Variants in CLVS1 observed in about 807,000 individuals in gnomAD.
CLVS1 encodes the protein clavesin-1.
In CLVS1, 10 loss-of-function variants were observed where a neutral mutation model predicts 33.1. That is an observed-to-expected ratio of 0.30 (90% CI 0.19 to 0.51). The LOEUF (loss-of-function observed/expected upper bound fraction) is 0.51. CLVS1 is among the 20% of genes least tolerant of loss of function. CLVS1 has a pLI of 0.97. For missense variants in CLVS1, 343 were observed against 433.4 expected (o/e 0.79, Z 1.85); for synonymous variants, 163 against 166.1 (o/e 0.98, Z 0.14).
intron 1 of CLVS1, among the ~76,000 whole-genome samples, chr8:61,075,847 A>G (rs1278024324): frequency 6.6e-6 from 1 of 152,124 alleles, no homozygotes; most frequent in Non-Finnish European, 1.5e-5. Context: ...CACACATCCT[A>G]TCCAGCCTCC....
chr8:61,064,474 C>G (rs975030443), intron 1 of CLVS1, among the ~76,000 whole-genome samples: 5 of 151,512 alleles, frequency 3.3e-5, no homozygotes, highest in Non-Finnish European at 4.4e-5. Context: ...GAGCATCTTT[C>G]CATGTGCTTC....
the CLVS1 span, among the ~76,000 whole-genome samples, chr8:61,037,936 T>C: frequency 6.6e-6 from 1 of 152,158 alleles, no homozygotes; most frequent in Admixed American, 6.5e-5. Context: ...AGGGAGGGGC[T>C]TTCTCACAAG....
chr8:61,193,724 G>C (rs889767748), intron 2 of CLVS1, among the ~76,000 whole-genome samples: 2 of 151,534 alleles, frequency 1.3e-5, no homozygotes, highest in African/African-American at 4.8e-5. Context: ...GACACCTATG[G>C]AACCCTACTA....
At chr8:61,267,283 T>TTA (rs1209114153) in intron 2 of CLVS1, among the ~76,000 whole-genome samples, 22 of 150,132 alleles carry the variant, frequency 1.5e-4, no homozygotes, top group Non-Finnish European at 2.4e-4. Flanking sequence ...TATTATTATT[T>TTA]TTTAAGTTTT....
chr8:61,211,079 C>A (rs544228172), intron 2 of CLVS1, among the ~76,000 whole-genome samples: 2 of 152,242 alleles, frequency 1.3e-5, no homozygotes, highest in Admixed American at 1.3e-4. Context: ...ATGTACAATG[C>A]AGTGAAGAGA....
the CLVS1 span, among the ~76,000 whole-genome samples, chr8:61,017,086 C>T: frequency 6.6e-5 from 10 of 152,344 alleles, no homozygotes; most frequent in Non-Finnish European, 1.3e-4. Flanking sequence ...TCCAAAAAGA[C>T]AGCCGGGGCT....
intron 1 of CLVS1, among the ~76,000 whole-genome samples, chr8:61,067,840 G>A (rs1804710676): frequency 6.6e-6 from 1 of 151,818 alleles, no homozygotes; most frequent in African/African-American, 2.4e-5. Flanking sequence ...AGGGAAAGTG[G>A]GGGTCAAGGG....
intron 2 of CLVS1, among the ~76,000 whole-genome samples, chr8:61,322,544 T>C (rs1811232143): frequency 6.6e-6 from 1 of 152,164 alleles, no homozygotes; most frequent in African/African-American, 2.4e-5. Context: ...TCCAGTGCCA[T>C]CGGTGGTGTC....
chr8:61,007,752 C>T, the CLVS1 span, among the ~76,000 whole-genome samples: 1 of 152,210 alleles, frequency 6.6e-6, no homozygotes, highest in African/African-American at 2.4e-5. Context: ...CAGAAAAGGA[C>T]GTGCAGGACA....
At chr8:61,151,919 A>G (rs761082906) in intron 2 of CLVS1, among the ~76,000 whole-genome samples, 1 of 152,174 alleles carries the variant, frequency 6.6e-6, no homozygotes, top group Non-Finnish European at 1.5e-5. Flanking sequence ...TGAGAGCTTT[A>G]GAGGAAGGCA....
chr8:61,215,618 G>A (rs2129308325), intron 2 of CLVS1, among the ~76,000 whole-genome samples: 1 of 151,624 alleles, frequency 6.6e-6, no homozygotes, highest in Admixed American at 6.6e-5. Context: ...GAACTTTGAA[G>A]CCCCATATTT....
At chr8:61,317,052 A>C (rs1377502688) in intron 2 of CLVS1, among the ~76,000 whole-genome samples, 1 of 152,126 alleles carries the variant, frequency 6.6e-6, no homozygotes, top group Admixed American at 6.5e-5. Context: ...TGGTCACTTC[A>C]TTAGGTTACT....
the CLVS1 span, among the ~76,000 whole-genome samples, chr8:60,996,004 A>G: frequency 1.3e-5 from 2 of 152,124 alleles, no homozygotes; most frequent in East Asian, 1.9e-4. Context: ...ACACTCTGGG[A>G]ACTGTTGTGG....
the CLVS1 span, among the ~76,000 whole-genome samples, chr8:60,995,528 G>A: frequency 1.6e-3 from 250 of 152,248 alleles, 2 homozygotes; most frequent in African/African-American, 5.5e-3. Context: ...GCTGGAGAGG[G>A]TGTGGAGAAA....
chr8:61,171,034 CT>C (rs752412581), intron 2 of CLVS1, among the ~76,000 whole-genome samples: 63 of 150,228 alleles, frequency 4.2e-4, no homozygotes, highest in Non-Finnish European at 3.6e-4. Flanking sequence ...GTTTTTTTTT[CT>C]TTTTCTTTTT....
intron 3 of CLVS1, among the ~76,000 whole-genome samples, chr8:61,379,255 A>ATGCC (rs1813769664): frequency 6.6e-6 from 1 of 152,060 alleles, no homozygotes; most frequent in East Asian, 1.9e-4. Context: ...AAGCAGTCCA[A>ATGCC]TTTGGTGCTA....
intron 2 of CLVS1, among the ~76,000 whole-genome samples, chr8:61,259,028 A>G (rs1809144262): frequency 6.6e-6 from 1 of 152,212 alleles, no homozygotes; most frequent in Non-Finnish European, 1.5e-5. Context: ...TTCCTAAGTA[A>G]AGCTTAGGAA....
Position 61,074,725 on chromosome 8 carries a change from G to A in CLVS1, c.-243+17495G>A, listed in dbSNP as rs542653462. 1.2e-4 allele frequency among the ~76,000 whole-genome samples: 18 copies of A among 152,124 alleles called. No homozygotes were observed. In the South Asian group the frequency reaches 3.5e-3, roughly 30 times the overall value. ...GCTTTCCCATCTTAAAATGATGATT[G>A]TGGGAGTGGGTGGATGGTGGGGGCA... On this transcript the variant is annotated intron_variant, in intron 1 of 2. Transcript: ENST00000522621.
At chr8:61,046,211 A>G in the CLVS1 span, among the ~76,000 whole-genome samples, 1 of 147,424 alleles carries the variant, frequency 6.8e-6, no homozygotes, top group African/African-American at 2.6e-5. Context: ...ACATATGGCT[A>G]GCCAGTTTTC....
Sources: allele counts gnomAD v4.1 joint callset (sites outside exome capture counted in the v4.1 genomes callset), GRCh38; gene constraint gnomAD v4.1.1; transcripts MANE v1.5; gene names NCBI Gene and HGNC (gene_info 2026-07-23, HGNC 2026-07-21).